RCL1: variants seen among roughly 807,000 people sequenced by gnomAD.
RCL1 encodes the protein RNA terminal phosphate cyclase like 1.
Under a neutral mutation model 42.4 loss-of-function variants are expected in RCL1, and 24 were observed. That is an observed-to-expected ratio of 0.57 (90% CI 0.41 to 0.80). RCL1 has a LOEUF of 0.80. RCL1 is among the 30% of genes least tolerant of loss of function. RCL1 has a pLI of 0.00. For missense variants in RCL1, 578 were observed against 467.9 expected (o/e 1.24, Z -2.17); for synonymous variants, 228 against 177.3 (o/e 1.29, Z -2.27).
intron 1 of RCL1, 61 bp downstream of exon 1, chr9:4,793,288 G>C: frequency 6.6e-7 from 1 of 1,512,692 alleles, no homozygotes; most frequent in Admixed American, 2.1e-5. Flanking sequence ...CCGAGCTGAT[G>C]CCGTGGGGGC....
At chr9:4,842,277 C>T (rs1339023560) in intron 6 of RCL1, among the ~76,000 whole-genome samples, 1 of 152,108 alleles carries the variant, frequency 6.6e-6, no homozygotes, top group East Asian at 1.9e-4. Flanking sequence ...TAAGTGATGC[C>T]ACAGCTGATC....
intron 1 of RCL1, among the ~76,000 whole-genome samples, chr9:4,821,802 C>T (rs980054159): frequency 2.0e-5 from 3 of 152,146 alleles, no homozygotes; most frequent in Admixed American, 2.0e-4. Context: ...TTATAGCAGC[C>T]CACTCTTGTG....
intron 7 of RCL1, among the ~76,000 whole-genome samples, chr9:4,848,031 A>C (rs1411102435): frequency 6.6e-6 from 1 of 152,220 alleles, no homozygotes; most frequent in East Asian, 1.9e-4. Context: ...CAGGGACCTT[A>C]GCTATCTATT....
At chr9:4,805,647 GCAGGTAGCTGGT>G (rs1266420503) in intron 1 of RCL1, among the ~76,000 whole-genome samples, 1 of 152,204 alleles carries the variant, frequency 6.6e-6, no homozygotes, top group East Asian at 1.9e-4. Flanking sequence ...GGGACAGTGG[GCAGGTAGCTGGT>G]CAGGTGACTG....
In RCL1 at chr9:4,792,952, T is replaced by G. The variant is rs1391707425; in HGVS notation, c.-140T>G. On this transcript the variant is annotated 5_prime_UTR_variant, in exon 1 of 9. Transcript: ENST00000381750. ...CTCCGTCTTCCTGTTCCAAACCACG[T>G]GGACGCGTCTGGGCTGCTGGAGGCA... The G allele has an allele frequency of 2.4e-6, 2 of 839,520 alleles. No individual in the cohort carries two copies. Among genetic ancestry groups the G allele is most frequent in the Admixed American group, 3.2e-5 (1 of 31,682 alleles). The allele number at this position is 839,520 out of a possible 1,614,324, so 52.0% of individuals were successfully genotyped here. A position where few individuals can be genotyped will look rare whatever the true frequency, so the allele number is the denominator to read the frequency against.
At chr9:4,806,169 C>T (rs1815954015) in intron 1 of RCL1, among the ~76,000 whole-genome samples, 1 of 151,412 alleles carries the variant, frequency 6.6e-6, no homozygotes, top group African/African-American at 2.4e-5. Context: ...TGTAGCTGGT[C>T]ATGTTGTCTA....
chr9:4,817,911 GATTTTTT>G (rs1816443697), intron 1 of RCL1, among the ~76,000 whole-genome samples: 3 of 72,020 alleles, frequency 4.2e-5, no homozygotes, highest in African/African-American at 4.5e-5. Flanking sequence ...ACTTTTCTAA[GATTTTTT>G]TTTTTTTTTT....
chr9:4,814,668 A>C (rs1816309458), intron 1 of RCL1, among the ~76,000 whole-genome samples: 1 of 151,998 alleles, frequency 6.6e-6, no homozygotes, highest in African/African-American at 2.4e-5. Flanking sequence ...TATAGTGATA[A>C]GGTTTGATTT....
intron 1 of RCL1, among the ~76,000 whole-genome samples, chr9:4,807,471 C>A (rs117857686): frequency 3.9e-5 from 6 of 152,096 alleles, no homozygotes; most frequent in African/African-American, 1.4e-4. Context: ...TTTAGGTCAA[C>A]GTAATTTTTA....
intron 1 of RCL1, 151 bp from the exon 2 acceptor site, chr9:4,823,397 C>T (rs1353883228): frequency 1.3e-5 from 7 of 522,616 alleles, no homozygotes; most frequent in Non-Finnish European, 2.0e-5. Context: ...ACCTGTGAAC[C>T]TACCCAGTCC....
intron 2 of RCL1, among the ~76,000 whole-genome samples, chr9:4,823,825 T>C (rs1411180382): frequency 1.3e-5 from 2 of 152,148 alleles, no homozygotes; most frequent in African/African-American, 4.8e-5. Context: ...GGGGGACTTA[T>C]ATGAGGAACT....
chr9:4,800,675 T>C (rs1842985783), intron 1 of RCL1, among the ~76,000 whole-genome samples: 3 of 144,412 alleles, frequency 2.1e-5, no homozygotes, highest in Non-Finnish European at 4.5e-5. Context: ...TTTTTTGAGA[T>C]GGAATCTCGC....
At chr9:4,855,878 G>A (rs1490733086) in intron 8 of RCL1, among the ~76,000 whole-genome samples, 1 of 152,182 alleles carries the variant, frequency 6.6e-6, no homozygotes, top group Non-Finnish European at 1.5e-5. Flanking sequence ...ACACAGGCCT[G>A]CACACTTGAG....
intron 8 of RCL1, among the ~76,000 whole-genome samples, chr9:4,858,694 A>G (rs62543480): frequency 0.23 from 34,972 of 152,088 alleles, 4,972 homozygotes; most frequent in Non-Finnish European, 0.32. Flanking sequence ...CCATTGATCT[A>G]TGTGTTTAGC....
At chr9:4,795,231 C>G (rs776378110) in intron 1 of RCL1, among the ~76,000 whole-genome samples, 3 of 152,074 alleles carry the variant, frequency 2.0e-5, no homozygotes, top group Non-Finnish European at 2.9e-5. Context: ...GTGCCTGCCA[C>G]CATGCCCAGC....
intron 1 of RCL1, among the ~76,000 whole-genome samples, chr9:4,807,109 C>G (rs1489563820): frequency 6.6e-6 from 1 of 152,124 alleles, no homozygotes; most frequent in Non-Finnish European, 1.5e-5. Context: ...CCCGATGTTG[C>G]TAATTGTGTT....
Position 4,853,728 on chromosome 9 carries a change from G to A in RCL1, c.971+4178G>A, listed in dbSNP as rs184241421. ...GCTACATCTTTTCAGCAAAGTCCTC[G>A]TTTCAAATTCTGCTGTAAAATGATC... On this transcript the variant is annotated intron_variant, in intron 8 of 8. Coordinates refer to ENST00000381750, the MANE Select transcript of RCL1 (RefSeq NM_005772.5). Among the ~76,000 whole-genome samples, 95 of 152,204 alleles carry A rather than the reference G, an allele frequency of 6.2e-4. 1 individual carries two copies. The highest frequency in any genetic ancestry group is 6.2e-3 in the South Asian group (30 of 4,820).
chr9:4,843,785 C>G (rs1817412967), intron 6 of RCL1, among the ~76,000 whole-genome samples: 1 of 152,158 alleles, frequency 6.6e-6, no homozygotes, highest in Non-Finnish European at 1.5e-5. Flanking sequence ...TATGCCACTG[C>G]CTGCAGCCAC....
chr9:4,833,272 A>T, intron 4 of RCL1, 44 bp downstream of exon 4: 1 of 1,413,328 alleles, frequency 7.1e-7, no homozygotes, highest in Non-Finnish European at 1.0e-6. Flanking sequence ...TGTGGAAAAC[A>T]TTTTCCCACT....
Sources: gnomAD v4.1 joint callset for allele counts (sites outside exome capture counted in the v4.1 genomes callset) on GRCh38, gnomAD v4.1.1 for gene constraint, MANE v1.5 for transcripts, NCBI Gene and HGNC (gene_info 2026-07-23, HGNC 2026-07-21) for gene names.